GRIN2A: variants seen among roughly 807,000 people sequenced by gnomAD.
GRIN2A encodes glutamate receptor ionotropic, NMDA 2A.
GRIN2A carries 22 observed loss-of-function variants against 113.4 expected under a neutral mutation model. The observed-to-expected ratio is 0.19, with a 90% CI of 0.14 to 0.28. The LOEUF (loss-of-function observed/expected upper bound fraction) is 0.28. Among genes scored for constraint, GRIN2A ranks in the 10% least tolerant of loss-of-function variants. The pLI, the probability that GRIN2A is intolerant of heterozygous loss-of-function variation, is 1.00. For synonymous variants in GRIN2A, 827 were observed against 738.4 expected (o/e 1.12, Z -1.94); for missense variants, 1,502 against 1,887.0 (o/e 0.80, Z 3.78).
In GRIN2A at chr16:9,785,012, A is replaced by C. The variant is rs71379052; in HGVS notation, c.2356+13265T>G. Reference sequence around the variant, plus strand: ...GGTGGGACTGTAAACTAGTTCAACCATTGTGGAAGTCAGTGTGGCGATTCC... The same window carrying C: ...GGTGGGACTGTAAACTAGTTCAACCCTTGTGGAAGTCAGTGTGGCGATTCC... On this transcript the variant is annotated intron_variant, in intron 11 of 12. Coordinates refer to ENST00000330684, the MANE Select transcript of GRIN2A (RefSeq NM_001134407.3). Among the ~76,000 whole-genome samples the C allele has an allele frequency of 1.9e-3, 285 of 152,090 alleles. 1 individual carries two copies. Among genetic ancestry groups the C allele is most frequent in the Non-Finnish European group, 2.9e-3 (194 of 67,968 alleles).
At chr16:9,797,377 G>A (rs566887340) in intron 11 of GRIN2A, among the ~76,000 whole-genome samples, 10 of 152,276 alleles carry the variant, frequency 6.6e-5, no homozygotes, top group East Asian at 5.8e-4. Context: ...TCCAAGCCAC[G>A]GCCAGCCTCT....
intron 2 of GRIN2A, among the ~76,000 whole-genome samples, chr16:10,156,801 A>G (rs899704631): frequency 1.3e-5 from 2 of 152,188 alleles, no homozygotes; most frequent in African/African-American, 2.4e-5. Context: ...CATACACCTT[A>G]TTTCATTCGA....
intron 2 of GRIN2A, among the ~76,000 whole-genome samples, chr16:10,104,648 G>A (rs1406650061): frequency 6.6e-6 from 1 of 152,132 alleles, no homozygotes; most frequent in Non-Finnish European, 1.5e-5. Context: ...TCTCCAGGGT[G>A]CGCACATGAC....
At chr16:10,024,056 G>A (rs1021911538) in intron 2 of GRIN2A, among the ~76,000 whole-genome samples, 1 of 152,090 alleles carries the variant, frequency 6.6e-6, no homozygotes. Flanking sequence ...GCCAGAATTC[G>A]AATCCAAAGA....
rs991634761 is a variant in GRIN2A at position 9,763,095 on chromosome 16, G to C, written c.*54C>G. ...TTGGACATCCAACATTTACCCTCCA[G>C]AACATTGGCCATTACGTATATTTCC... On this transcript the variant is annotated 3_prime_UTR_variant, in exon 13 of 13. Coordinates refer to ENST00000330684, the MANE Select transcript of GRIN2A (RefSeq NM_001134407.3). 10 of 1,559,264 alleles carry C rather than the reference G, an allele frequency of 6.4e-6. No individual in the cohort carries two copies. In the African/African-American group the frequency reaches 1.4e-4, roughly 21 times the overall value.
At chr16:10,098,795 G>A (rs1013058236) in intron 2 of GRIN2A, among the ~76,000 whole-genome samples, 9 of 152,068 alleles carry the variant, frequency 5.9e-5, no homozygotes, top group African/African-American at 1.9e-4. Flanking sequence ...AATGGACGCT[G>A]GAAATTCAGG....
intron 2 of GRIN2A, among the ~76,000 whole-genome samples, chr16:10,143,132 T>C (rs951706219): frequency 6.6e-6 from 1 of 152,222 alleles, no homozygotes; most frequent in Non-Finnish European, 1.5e-5. Flanking sequence ...TTCCTTCAGA[T>C]TTCATGGTTG....
In GRIN2A at chr16:9,906,842, T is replaced by A. The variant is rs1261817176; in HGVS notation, c.1008-15742A>T. 2.0e-5 allele frequency among the ~76,000 whole-genome samples: 3 copies of A among 152,198 alleles called. No individual in the cohort carries two copies. The East Asian group carries it at 5.8e-4, about 29-fold the overall frequency. ...TCAGTGAAAATCACAAATTTTTGTT[T>A]TTGTTTTGTTTTGTTTTCAAGATAG... On this transcript the variant is annotated intron_variant, in intron 3 of 12. Transcript: ENST00000330684.
At chr16:10,035,858 G>A (rs951314857) in intron 2 of GRIN2A, among the ~76,000 whole-genome samples, 1 of 151,958 alleles carries the variant, frequency 6.6e-6, no homozygotes, top group Non-Finnish European at 1.5e-5. Context: ...CCAGTAGCTA[G>A]GACTACAGGT....
intron 4 of GRIN2A, among the ~76,000 whole-genome samples, chr16:9,881,539 T>C (rs1291104555): frequency 6.6e-6 from 1 of 152,188 alleles, no homozygotes; most frequent in Non-Finnish European, 1.5e-5. Context: ...CTTTACATCT[T>C]TCCCAAGGTG....
At chr16:10,009,567 G>A (rs989584160) in intron 2 of GRIN2A, among the ~76,000 whole-genome samples, 5 of 152,124 alleles carry the variant, frequency 3.3e-5, no homozygotes, top group African/African-American at 1.2e-4. Flanking sequence ...GTAACAAACA[G>A]GGAGACCTGG....
chr16:10,051,801 C>G (rs948102987), intron 2 of GRIN2A, among the ~76,000 whole-genome samples: 1 of 152,148 alleles, frequency 6.6e-6, no homozygotes, highest in African/African-American at 2.4e-5. Context: ...CTGGCCAGAC[C>G]CTGCCTTCTC....
At chr16:10,105,834 G>C (rs972753363) in intron 2 of GRIN2A, among the ~76,000 whole-genome samples, 2 of 152,216 alleles carry the variant, frequency 1.3e-5, no homozygotes, top group Non-Finnish European at 2.9e-5. Context: ...TTGAACCCAG[G>C]AGGTGGGGGT....
At chr16:9,923,891 C>A (rs2044403090) in intron 3 of GRIN2A, among the ~76,000 whole-genome samples, 2 of 151,982 alleles carry the variant, frequency 1.3e-5, no homozygotes, top group African/African-American at 4.8e-5. Context: ...CTTTGGGAGG[C>A]CAAGGTGGGT....
At chr16:9,918,486 G>T (rs1426666381) in intron 3 of GRIN2A, among the ~76,000 whole-genome samples, 1 of 152,100 alleles carries the variant, frequency 6.6e-6, no homozygotes, top group Non-Finnish European at 1.5e-5. Context: ...TTAAAATACT[G>T]TATTGTATAT....
chr16:9,892,947 AAAAG>A (rs1484935030), intron 3 of GRIN2A, among the ~76,000 whole-genome samples: 18 of 144,844 alleles, frequency 1.2e-4, no homozygotes, highest in African/African-American at 4.1e-4. Flanking sequence ...AAAAAAAAAA[AAAAG>A]AAGAAGAAGA....
At chr16:9,793,753 A>G (rs933511656) in intron 11 of GRIN2A, among the ~76,000 whole-genome samples, 1 of 152,134 alleles carries the variant, frequency 6.6e-6, no homozygotes, top group Non-Finnish European at 1.5e-5. Flanking sequence ...CTAAGAATAT[A>G]TATGTATGTA....
At chr16:9,971,885 T>C (rs2045677188) in intron 2 of GRIN2A, among the ~76,000 whole-genome samples, 1 of 152,034 alleles carries the variant, frequency 6.6e-6, no homozygotes, top group South Asian at 2.1e-4. Flanking sequence ...CATTGAAACA[T>C]GGAAGAAGGG....
chr16:10,110,960 TAAAC>T (rs2048602022), intron 2 of GRIN2A, among the ~76,000 whole-genome samples: 1 of 152,230 alleles, frequency 6.6e-6, no homozygotes, highest in African/African-American at 2.4e-5. Flanking sequence ...ATGTATGTGT[TAAAC>T]TAACTTTTCT....
Sources: allele counts gnomAD v4.1 joint callset (sites outside exome capture counted in the v4.1 genomes callset), GRCh38; gene constraint gnomAD v4.1.1; transcripts MANE v1.5; gene names NCBI Gene and HGNC (gene_info 2026-07-23, HGNC 2026-07-21).